NRG1: variants seen among roughly 807,000 people sequenced by gnomAD.
NRG1 encodes the protein neuregulin 1.
NRG1 carries 18 observed loss-of-function variants against 63.8 expected under a neutral mutation model. That is an observed-to-expected ratio of 0.28 (90% confidence interval 0.19 to 0.42). The LOEUF (loss-of-function observed/expected upper bound fraction) is 0.42. Ranked by LOEUF, NRG1 falls within the 10% of genes least tolerant of loss-of-function variation. NRG1 has a pLI of 1.00. For synonymous variants in NRG1, 302 were observed against 301.3 expected (o/e 1.00, Z -0.02); for missense variants, 762 against 814.7 (o/e 0.94, Z 0.79).
intron 1 of NRG1, among the ~76,000 whole-genome samples, chr8:31,762,778 G>T (rs1817685269): frequency 6.6e-6 from 1 of 152,114 alleles, no homozygotes; most frequent in Admixed American, 6.5e-5. Flanking sequence ...AAGAAAAAAA[G>T]ATACTAATCT....
intron 1 of NRG1, among the ~76,000 whole-genome samples, chr8:32,426,864 T>TTGC (rs1817443560): frequency 6.6e-6 from 1 of 152,210 alleles, no homozygotes; most frequent in African/African-American, 2.4e-5. Flanking sequence ...TAAAGATCAG[T>TTGC]TGCTGTTTCC....
At chr8:32,151,074 T>G (rs943415726) in intron 1 of NRG1, among the ~76,000 whole-genome samples, 5 of 152,096 alleles carry the variant, frequency 3.3e-5, no homozygotes, top group African/African-American at 9.7e-5. Context: ...CTAAGGGGTG[T>G]CTATGAAATG....
At position 32,233,563 on chromosome 8, in the gene NRG1, A is replaced by ATATATATATTTT. The variant is rs34593729; in HGVS notation, c.38-362264_38-362263insATATATATTTTT. 7.3e-3 allele frequency among the ~76,000 whole-genome samples: 490 copies of ATATATATATTTT among 67,108 alleles called. 6 individuals carry two copies. The highest frequency in any genetic ancestry group is 9.7e-3 in the Non-Finnish European group (389 of 40,096). 44.0% of individuals were successfully genotyped at this position (67,108 alleles called of 152,430 possible). A position where few individuals can be genotyped will look rare whatever the true frequency, so the allele number is the denominator to read the frequency against. ...TATATATATATATATATATATATATATTTTTTTTTTTTTTTCTTTTGAAAC... is the reference window on the plus strand; with the variant it reads ...TATATATATATATATATATATATATATATATATATTTTTTTTTTTTTTTTTTTCTTTTGAAAC... On this transcript the variant is annotated intron_variant, in intron 1 of 10. Coordinates refer to the NRG1 transcript ENST00000519301.
intron 1 of NRG1, among the ~76,000 whole-genome samples, chr8:32,405,510 C>T (rs190568300): frequency 1.3e-5 from 2 of 152,234 alleles, no homozygotes; most frequent in Admixed American, 1.3e-4. Flanking sequence ...AACAAATATC[C>T]TTCTTAGAAA....
intron 1 of NRG1, among the ~76,000 whole-genome samples, chr8:32,293,718 C>CTTTTTTTTTTTTTTTTTTTTTTTTTT (rs770993591): frequency 7.4e-5 from 8 of 108,278 alleles, no homozygotes; most frequent in African/African-American, 1.5e-4. Context: ...TTTTCTTCTT[C>CTTTTTTTTTTTTTTTTTTTTTTTTTT]TTTTTTTTTT....
intron 1 of NRG1, among the ~76,000 whole-genome samples, chr8:32,458,276 A>G (rs1415346559): frequency 1.3e-5 from 2 of 152,238 alleles, no homozygotes; most frequent in Admixed American, 6.5e-5. Context: ...ATGAACTTGT[A>G]TATCCATATC....
In NRG1 at chr8:32,670,614, GT is replaced by G. The variant is rs1805391256; in HGVS notation, c.502+53730del. On this transcript the variant is annotated intron_variant, in intron 5 of 11. Transcript: ENST00000356819. Reference sequence around the variant, plus strand: ...CGTCAATGTTATATATGCAGAAATGGTGAAAAATCAATGAATTTAGTAAGTT... The same window carrying G: ...CGTCAATGTTATATATGCAGAAATGGGAAAAATCAATGAATTTAGTAAGTT... Among the ~76,000 whole-genome samples the G allele has an allele frequency of 2.6e-5, 4 of 152,156 alleles. No individual in the cohort carries two copies. The South Asian group carries it at 8.3e-4, about 32-fold the overall frequency.
chr8:32,081,868 A>T (rs910482858), intron 1 of NRG1, among the ~76,000 whole-genome samples: 3 of 152,072 alleles, frequency 2.0e-5, no homozygotes, highest in African/African-American at 4.8e-5. Flanking sequence ...GCAACCCAGG[A>T]GGCTCTTTGA....
At chr8:32,660,458 A>G (rs1589044996) in intron 5 of NRG1, among the ~76,000 whole-genome samples, 1 of 152,230 alleles carries the variant, frequency 6.6e-6, no homozygotes, top group Non-Finnish European at 1.5e-5. Context: ...AATTCAATAT[A>G]GAGTTTAGTC....
chr8:32,663,020 G>A (rs1277907111), intron 5 of NRG1, among the ~76,000 whole-genome samples: 1 of 152,182 alleles, frequency 6.6e-6, no homozygotes, highest in Non-Finnish European at 1.5e-5. Flanking sequence ...GAGGATGTCT[G>A]CCTAGACTAC....
At chr8:31,823,924 C>T (rs1171680542) in intron 1 of NRG1, among the ~76,000 whole-genome samples, 1 of 152,194 alleles carries the variant, frequency 6.6e-6, no homozygotes, top group Non-Finnish European at 1.5e-5. Context: ...CAACAGCTAT[C>T]TAACTCCAAA....
intron 1 of NRG1, among the ~76,000 whole-genome samples, chr8:32,587,550 AG>A (rs891973289): frequency 6.6e-6 from 1 of 152,216 alleles, no homozygotes; most frequent in African/African-American, 2.4e-5. Flanking sequence ...ACAATGTCAC[AG>A]GGCCTCACGA....
chr8:32,084,999 A>G (rs1312611308), intron 1 of NRG1, among the ~76,000 whole-genome samples: 1 of 152,238 alleles, frequency 6.6e-6, no homozygotes, highest in Non-Finnish European at 1.5e-5. Flanking sequence ...ATAGTTTATT[A>G]TCCAGTGACC....
chr8:31,839,515 C>T (rs1248890036), intron 1 of NRG1, among the ~76,000 whole-genome samples: 2 of 151,882 alleles, frequency 1.3e-5, no homozygotes, highest in Admixed American at 6.6e-5. Flanking sequence ...GGAGTCTAGC[C>T]GTATAAAGTT....
At chr8:31,644,886 A>G (rs1422411753) in intron 1 of NRG1, among the ~76,000 whole-genome samples, 14 of 152,092 alleles carry the variant, frequency 9.2e-5, no homozygotes. Flanking sequence ...ATCTCTTTTG[A>G]TAGCTCTTAA....
chr8:32,454,197 T>A (rs1303354959), intron 1 of NRG1, among the ~76,000 whole-genome samples: 1 of 152,242 alleles, frequency 6.6e-6, no homozygotes, highest in African/African-American at 2.4e-5. Context: ...GGATCTGTAT[T>A]TTATTGTGTA....
chr8:32,431,530 C>G (rs1236727308), intron 1 of NRG1, among the ~76,000 whole-genome samples: 2 of 152,096 alleles, frequency 1.3e-5, no homozygotes, highest in African/African-American at 4.8e-5. Context: ...CCTGTCACCC[C>G]TCTTAGTAGT....
At chr8:32,386,148 C>A (rs1031092225) in intron 1 of NRG1, among the ~76,000 whole-genome samples, 1 of 152,176 alleles carries the variant, frequency 6.6e-6, no homozygotes, top group Admixed American at 6.5e-5. Flanking sequence ...GTTGCTCAGG[C>A]TGGAATGCCG....
intron 5 of NRG1, among the ~76,000 whole-genome samples, chr8:32,711,656 G>C (rs1817845613): frequency 6.6e-6 from 1 of 152,100 alleles, no homozygotes; most frequent in South Asian, 2.1e-4. Context: ...GCTATCCAGA[G>C]CACACCTCCA....
Sources: gnomAD v4.1 joint callset for allele counts (sites outside exome capture counted in the v4.1 genomes callset) on GRCh38, gnomAD v4.1.1 for gene constraint, MANE v1.5 for transcripts, NCBI Gene and HGNC (gene_info 2026-07-23, HGNC 2026-07-21) for gene names.